The following NRSN1 variants were observed in gnomAD, a reference collection of about 807,000 sequenced individuals.
NRSN1 encodes neurensin-1.
Under a neutral mutation model 17.3 loss-of-function variants are expected in NRSN1, and 14 were observed. That is an observed-to-expected ratio of 0.81 (90% CI 0.54 to 1.27). The LOEUF (loss-of-function observed/expected upper bound fraction) is 1.27, where lower values mean the gene tolerates loss of function less well. Among genes scored for constraint, NRSN1 ranks in the 50% most tolerant of loss-of-function variants. The pLI is 0.00. For synonymous variants in NRSN1, 79 were observed against 94.2 expected (o/e 0.84, Z 0.93); for missense variants, 209 against 235.9 (o/e 0.89, Z 0.75).
chr6:24,138,881 A>G (rs558018319), intron 3 of NRSN1, among the ~76,000 whole-genome samples: 1 of 152,346 alleles, frequency 6.6e-6, no homozygotes, highest in Non-Finnish European at 1.5e-5. Context: ...TATATTTGTC[A>G]TGTACAACAT....
At chr6:24,144,457 G>A (rs1276898692) in intron 3 of NRSN1, among the ~76,000 whole-genome samples, 1 of 152,164 alleles carries the variant, frequency 6.6e-6, no homozygotes, top group East Asian at 1.9e-4. Flanking sequence ...ATGAGAGTGT[G>A]AAAAGGATGT....
intron 3 of NRSN1, among the ~76,000 whole-genome samples, chr6:24,135,142 T>A (rs1452001070): frequency 6.6e-6 from 1 of 152,198 alleles, no homozygotes; most frequent in Non-Finnish European, 1.5e-5. Flanking sequence ...GTGACTTCCC[T>A]CATGGAGCTT....
chr6:24,127,734 C>CA (rs1299928802), intron 1 of NRSN1, among the ~76,000 whole-genome samples: 1 of 151,682 alleles, frequency 6.6e-6, no homozygotes, highest in Non-Finnish European at 1.5e-5. Flanking sequence ...GACCAAGCAC[C>CA]AAAAAAGATC....
intron 3 of NRSN1, among the ~76,000 whole-genome samples, chr6:24,136,271 TGA>T (rs1192252346): frequency 5.3e-5 from 8 of 152,254 alleles, no homozygotes; most frequent in African/African-American, 1.7e-4. Flanking sequence ...TATGAAGCAC[TGA>T]GTTCTTAAAT....
At chr6:24,127,970 CTT>C (rs1201946690) in intron 1 of NRSN1, among the ~76,000 whole-genome samples, 156 bp from the exon 2 acceptor site, 2 of 152,098 alleles carry the variant, frequency 1.3e-5, no homozygotes. Flanking sequence ...ACAGTTTAGA[CTT>C]TTGTTTTTTA....
rs767699277 is a variant in NRSN1 at position 24,145,802 on chromosome 6, A to T, written c.444A>T (p.Lys148Asn). The stretch of plus-strand genomic sequence containing the variant: ...TAAAGAGCTACTCCAAAGAAGAAAA[A>T]TTCCTCCAGCAGAAGTTTAAAGAAC... ...VFVKSYSKEEKFLQQKFKERI... is the reference protein window; with the variant it reads ...VFVKSYSKEENFLQQKFKERI... Residue 148 changes from lysine (K) to asparagine (N), a missense_variant, in exon 4 of 4, where the codon AAA becomes AAT. Lys to Asn is a moderately conservative substitution (Grantham distance 94). Coordinates refer to ENST00000378491, the MANE Select transcript of NRSN1 (RefSeq NM_080723.5). This position sits in a 1 kb window ranked among gnomAD's most constrained non-coding sequence, Gnocchi z 4.4. The T allele has an allele frequency of 6.2e-7, 1 of 1,614,010 alleles. No homozygotes were observed. Among genetic ancestry groups the T allele is most frequent in the South Asian group, 1.1e-5 (1 of 91,084 alleles).
Position 24,146,027 on chromosome 6 carries a change from T to C in NRSN1, c.*81T>C, listed in dbSNP as rs1449230441. On this transcript the variant is annotated 3_prime_UTR_variant, in exon 4 of 4. Coordinates refer to ENST00000378491, the MANE Select transcript of NRSN1 (RefSeq NM_080723.5). ...AGGCCAGTTTTCGAGATAAAGAAGA[T>C]TTGGCGTTGACTGCCCTAGGGCTGT... is the stretch of plus-strand genomic sequence containing the variant. 34 of 1,428,612 alleles carry C rather than the reference T, an allele frequency of 2.4e-5. No individual in the cohort carries two copies. The highest frequency in any genetic ancestry group is 3.2e-5 in the Non-Finnish European group (33 of 1,029,688). The allele number at this position is 1,428,612 out of a possible 1,614,324, so 88.5% of individuals were successfully genotyped here. A position where few individuals can be genotyped will look rare whatever the true frequency, so the allele number is the denominator to read the frequency against.
intron 3 of NRSN1, among the ~76,000 whole-genome samples, chr6:24,143,274 G>A (rs1021989667): frequency 2.6e-5 from 4 of 152,100 alleles, no homozygotes; most frequent in Non-Finnish European, 5.9e-5. Flanking sequence ...TAAGATTACA[G>A]GCATGAGCCA....
chr6:24,133,386 C>T (rs1760067256), intron 2 of NRSN1, among the ~76,000 whole-genome samples: 1 of 152,220 alleles, frequency 6.6e-6, no homozygotes, highest in Non-Finnish European at 1.5e-5. Flanking sequence ...GCATAAATTG[C>T]TCAGCAGCTT....
chr6:24,133,282 A>C (rs1374033764), intron 2 of NRSN1, among the ~76,000 whole-genome samples: 3 of 152,250 alleles, frequency 2.0e-5, no homozygotes, highest in Non-Finnish European at 4.4e-5. Context: ...CCACATGGAC[A>C]GATGTATCCA....
In NRSN1 at chr6:24,145,768, C is replaced by T. The variant is rs1561868730; in HGVS notation, c.410C>T (p.Ser137Leu). 9 of 1,614,138 alleles carry T rather than the reference C, an allele frequency of 5.6e-6. No individual in the cohort carries two copies. The highest frequency in any genetic ancestry group is 3.3e-5 in the South Asian group (3 of 91,074). ...GTSMAGCLLMSVFVKSYSKEE... is the reference protein window; with the variant it reads ...GTSMAGCLLMLVFVKSYSKEE... ...TCCATGGCAGGGTGCCTGCTGATGT[C>T]GGTGTTTGTAAAGAGCTACTCCAAA... Residue 137 changes from serine (S) to leucine (L), a missense_variant, in exon 4 of 4, where the codon TCG (serine) becomes TTG (leucine). Transcript: ENST00000378491. This position sits in a 1 kb window ranked among gnomAD's most constrained non-coding sequence, Gnocchi z 4.4.
At chr6:24,139,426 A>G (rs1760167305) in intron 3 of NRSN1, among the ~76,000 whole-genome samples, 2 of 152,240 alleles carry the variant, frequency 1.3e-5, no homozygotes, top group African/African-American at 2.4e-5. Flanking sequence ...GAAAAGATTC[A>G]AGAGATTTTT....
In NRSN1 at chr6:24,147,303, G is replaced by C. The variant is rs1292791474; in HGVS notation, c.*1357G>C. The C allele has an allele frequency of 6.6e-6, 1 of 151,820 alleles. No homozygotes were observed. Among genetic ancestry groups the C allele is most frequent in the Non-Finnish European group, 1.5e-5 (1 of 67,982 alleles). 9.4% of individuals were successfully genotyped at this position (151,820 alleles called of 1,614,324 possible). ...TTAATGTATGGATTCAGATTAGACTGAGAAAAATGGATGGTATTTTCTTAA... is the reference window on the plus strand; with the variant it reads ...TTAATGTATGGATTCAGATTAGACTCAGAAAAATGGATGGTATTTTCTTAA... On this transcript the variant is annotated 3_prime_UTR_variant, in exon 4 of 4. Transcript: ENST00000378491.
intron 3 of NRSN1, among the ~76,000 whole-genome samples, chr6:24,140,505 T>C (rs565131099): frequency 1.8e-4 from 28 of 152,320 alleles, no homozygotes; most frequent in Middle Eastern, 3.4e-3. Context: ...CCACTGCTGC[T>C]GGCAGACATC....
intron 3 of NRSN1, among the ~76,000 whole-genome samples, chr6:24,144,695 G>A (rs1760273232): frequency 6.6e-6 from 1 of 152,114 alleles, no homozygotes; most frequent in African/African-American, 2.4e-5. Context: ...TTTTTACAAG[G>A]ACCTTGTTTT....
At chr6:24,143,292 C>T (rs887308715) in intron 3 of NRSN1, among the ~76,000 whole-genome samples, 17 of 152,152 alleles carry the variant, frequency 1.1e-4, no homozygotes, top group East Asian at 1.9e-4. Flanking sequence ...CCACCATGCC[C>T]GGCTAAAGTA....
chr6:24,140,011 A>G (rs1244141679), intron 3 of NRSN1, among the ~76,000 whole-genome samples: 1 of 152,232 alleles, frequency 6.6e-6, no homozygotes, highest in African/African-American at 2.4e-5. Context: ...AGTTGTTTGG[A>G]GCAGAGATAC....
rs1760321233 is a variant in NRSN1, at chr6:24,147,200, C to T, written c.*1254C>T. The stretch of plus-strand genomic sequence containing the variant: ...AAGGAACCCCTTGGTAGATATTAAC[C>T]TTAAAAAGGGTTTTCATTCTCAAAC... On this transcript the variant is annotated 3_prime_UTR_variant, in exon 4 of 4. Coordinates refer to ENST00000378491, the MANE Select transcript of NRSN1 (RefSeq NM_080723.5). The T allele has an allele frequency of 1.3e-5, 2 of 152,158 alleles. No homozygotes were observed. Among genetic ancestry groups the T allele is most frequent in the Non-Finnish European group, 2.9e-5 (2 of 68,028 alleles). The allele number at this position is 152,158 out of a possible 1,614,324, so 9.4% of individuals were successfully genotyped here.
intron 2 of NRSN1, among the ~76,000 whole-genome samples, chr6:24,132,979 T>C (rs1760060228): frequency 1.3e-5 from 2 of 152,220 alleles, no homozygotes; most frequent in Non-Finnish European, 2.9e-5. Flanking sequence ...TATATGGAGA[T>C]CAGAAATTAA....
Sources: allele counts gnomAD v4.1 joint callset (sites outside exome capture counted in the v4.1 genomes callset), GRCh38; gene constraint gnomAD v4.1.1; non-coding constraint Gnocchi (gnomAD v3.1); transcripts MANE v1.5; gene names NCBI Gene and HGNC (gene_info 2026-07-23, HGNC 2026-07-21).